PARD3: variants seen among roughly 807,000 people sequenced by gnomAD.
PARD3 encodes the protein partitioning defective 3 homolog.
A neutral mutation model predicts 155.4 loss-of-function variants in PARD3; 75 were observed. That is an observed-to-expected ratio of 0.48 (90% CI 0.40 to 0.58). PARD3 has a LOEUF of 0.58. Among genes scored for constraint, PARD3 ranks in the 20% least tolerant of loss-of-function variants. The pLI, the probability that PARD3 is intolerant of heterozygous loss-of-function variation, is 0.00. For synonymous variants in PARD3, 576 were observed against 610.5 expected (o/e 0.94, Z 0.83); for missense variants, 1,642 against 1,721.7 (o/e 0.95, Z 0.82).
At chr10:34,521,929 A>G (rs987066554) in intron 2 of PARD3, among the ~76,000 whole-genome samples, 2 of 152,170 alleles carry the variant, frequency 1.3e-5, no homozygotes, top group Non-Finnish European at 2.9e-5. Flanking sequence ...AGCTGTTGGT[A>G]AATCCAGTGG....
chr10:34,455,757 T>C (rs1487289355), intron 4 of PARD3, among the ~76,000 whole-genome samples: 1 of 152,134 alleles, frequency 6.6e-6, no homozygotes, highest in Non-Finnish European at 1.5e-5. Context: ...AGAATTTTAT[T>C]CCAAACACAG....
At position 34,640,253 on chromosome 10, in the gene PARD3, A is replaced by AC. The variant is rs1241344157; in HGVS notation, c.222+56064dup. On this transcript the variant is annotated intron_variant, in intron 2 of 24. Transcript: ENST00000374788. ...TCCTACAAGAGCAAAGGGTCTGGGC[A>AC]CCCTGAAACGTTCTTTAAAAGATTC... is the stretch of plus-strand genomic sequence containing the variant. Among the ~76,000 whole-genome samples the AC allele has an allele frequency of 3.3e-5, 5 of 152,172 alleles. No individual in the cohort carries two copies. In the South Asian group the frequency reaches 1.0e-3, roughly 32 times the overall value.
intron 5 of PARD3, among the ~76,000 whole-genome samples, chr10:34,448,855 C>G (rs765371016): frequency 6.6e-6 from 1 of 151,274 alleles, no homozygotes; most frequent in Non-Finnish European, 1.5e-5. Context: ...CAGAATAGAT[C>G]TCAAGTGTTT....
chr10:34,203,547 C>T (rs60727507), intron 22 of PARD3, among the ~76,000 whole-genome samples: 2,587 of 152,294 alleles, frequency 0.017, 68 homozygotes, highest in African/African-American at 0.059. Context: ...CTCCTGTATA[C>T]TTTAAATCAT....
chr10:34,406,092 T>C (rs1231060603), intron 5 of PARD3, among the ~76,000 whole-genome samples: 2 of 152,140 alleles, frequency 1.3e-5, no homozygotes, highest in Non-Finnish European at 2.9e-5. Context: ...AATCAAAGGA[T>C]TGACAAATGA....
Position 34,302,030 on chromosome 10 carries a change from A to C in PARD3, c.3065+15077T>G, listed in dbSNP as rs985662446. Among the ~76,000 whole-genome samples, 3 of 151,846 alleles carry C rather than the reference A, an allele frequency of 2.0e-5. No individual in the cohort carries two copies. The East Asian group carries it at 5.8e-4, about 29-fold the overall frequency. Reference sequence around the variant, plus strand: ...GTTAGAGGAATCTTTTAATTTTCTAAACACTGTAAACTTTATCAAGCTATT... The same window carrying C: ...GTTAGAGGAATCTTTTAATTTTCTACACACTGTAAACTTTATCAAGCTATT... On this transcript the variant is annotated intron_variant, in intron 20 of 24. Transcript: ENST00000374788.
chr10:34,375,815 T>C (rs1841169342), intron 10 of PARD3, among the ~76,000 whole-genome samples: 1 of 152,162 alleles, frequency 6.6e-6, no homozygotes, highest in South Asian at 2.1e-4. Context: ...TTCCTGTAGT[T>C]AAAATATATT....
intron 7 of PARD3, among the ~76,000 whole-genome samples, chr10:34,398,508 G>T (rs1843568254): frequency 6.6e-6 from 1 of 152,104 alleles, no homozygotes; most frequent in Non-Finnish European, 1.5e-5. Context: ...AAATTAAAAA[G>T]CCAAAATAGG....
chr10:34,519,139 G>A (rs1367377146), intron 2 of PARD3, among the ~76,000 whole-genome samples: 1 of 152,140 alleles, frequency 6.6e-6, no homozygotes, highest in Non-Finnish European at 1.5e-5. Flanking sequence ...GAAAGAACAA[G>A]GAGAACGAGG....
At chr10:34,424,572 T>C (rs888014112) in intron 5 of PARD3, among the ~76,000 whole-genome samples, 2 of 152,122 alleles carry the variant, frequency 1.3e-5, no homozygotes, top group Non-Finnish European at 2.9e-5. Context: ...TGGAGTGCAA[T>C]GGCATGGTCT....
intron 14 of PARD3, among the ~76,000 whole-genome samples, chr10:34,355,924 C>CAAAAAAAAAAAAAAAAAAAAAAAAAAAA (rs869284165): frequency 2.8e-4 from 12 of 42,738 alleles, no homozygotes; most frequent in Non-Finnish European, 4.8e-4. Context: ...CACTCCGTCT[C>CAAAAAAAAAAAAAAAAAAAAAAAAAAAA]AAAAAAAAAA....
chr10:34,730,737 T>C (rs1250822436), intron 1 of PARD3, among the ~76,000 whole-genome samples: 3 of 152,302 alleles, frequency 2.0e-5, no homozygotes, highest in South Asian at 4.1e-4. Flanking sequence ...CAGTGAGCTA[T>C]GACTGCAACA....
chr10:34,340,002 T>G (rs1836629525), intron 16 of PARD3, among the ~76,000 whole-genome samples: 1 of 152,324 alleles, frequency 6.6e-6, no homozygotes, highest in Admixed American at 6.5e-5. Context: ...TCATCAAGGA[T>G]TAGGGAAGAT....
intron 2 of PARD3, among the ~76,000 whole-genome samples, chr10:34,632,823 A>G (rs1219008015): frequency 1.3e-5 from 2 of 152,254 alleles, no homozygotes; most frequent in Non-Finnish European, 2.9e-5. Context: ...AGAAGGAATC[A>G]ATTATCATTC....
At chr10:34,158,455 A>G (rs1949119166) in intron 22 of PARD3, among the ~76,000 whole-genome samples, 1 of 152,206 alleles carries the variant, frequency 6.6e-6, no homozygotes, top group African/African-American at 2.4e-5. Flanking sequence ...CCATGTGGCT[A>G]AGGCTAGGGT....
intron 19 of PARD3, among the ~76,000 whole-genome samples, chr10:34,329,498 G>A (rs531241161): frequency 5.8e-4 from 89 of 152,242 alleles, no homozygotes; most frequent in African/African-American, 2.0e-3. Flanking sequence ...CAATAGGGTC[G>A]AAAGCTTATA....
chr10:34,666,816 T>TACACACACAC (rs1554804682), intron 2 of PARD3, among the ~76,000 whole-genome samples: 1 of 88,766 alleles, frequency 1.1e-5, no homozygotes, highest in Non-Finnish European at 2.0e-5. Flanking sequence ...TATATATATA[T>TACACACACAC]ACACACACAC....
At chr10:34,268,415 C>A (rs1013717885) in intron 22 of PARD3, among the ~76,000 whole-genome samples, 1 of 145,118 alleles carries the variant, frequency 6.9e-6, no homozygotes, top group Non-Finnish European at 1.5e-5. Flanking sequence ...TTGACCCAGC[C>A]ATCCTATTAC....
rs2094169056 is a variant in PARD3 at position 34,696,208 on chromosome 10, C to G, written c.222+110G>C. 7.6e-6 allele frequency: 5 copies of G among 659,132 alleles called. No individual in the cohort carries two copies. In the East Asian group the frequency reaches 1.3e-4, roughly 17 times the overall value. The allele number at this position is 659,132 out of a possible 1,614,324, so 40.8% of individuals were successfully genotyped here. On this transcript the variant is annotated intron_variant, in intron 2 of 24. Coordinates refer to ENST00000374788, the MANE Select transcript of PARD3 (RefSeq NM_001184785.2). ...AATATACTAGAGTGGGTGGCCCACA[C>G]ATAATTTAAAGTATGTGTCTAAAAC...
Sources: allele counts gnomAD v4.1 joint callset (sites outside exome capture counted in the v4.1 genomes callset), GRCh38; gene constraint gnomAD v4.1.1; transcripts MANE v1.5; gene names NCBI Gene and HGNC (gene_info 2026-07-23, HGNC 2026-07-21).